The following CDH6 variants were observed in gnomAD, a reference collection of about 807,000 sequenced individuals.
CDH6 encodes cadherin-6.
Under a neutral mutation model 78.0 loss-of-function variants are expected in CDH6, and 31 were observed. That is an observed-to-expected ratio of 0.40 (90% CI 0.30 to 0.54). CDH6 has a LOEUF of 0.54. Ranked by LOEUF, CDH6 falls within the 20% of genes least tolerant of loss-of-function variation. CDH6 has a pLI of 0.56. For missense variants in CDH6, 724 were observed against 975.9 expected, an observed-to-expected ratio of 0.74 and a Z score of 3.44; for synonymous variants, 376 against 368.8, an observed-to-expected ratio of 1.02 and a Z score of -0.23.
intron 10 of CDH6, 37 bp downstream of exon 10, chr5:31,317,529 A>G: frequency 6.6e-7 from 1 of 1,515,770 alleles, no homozygotes; most frequent in Non-Finnish European, 9.1e-7. Context: ...ATCTATCTCC[A>G]TCTATATCCG....
At chr5:31,307,676 A>G (rs1376980741) in intron 7 of CDH6, among the ~76,000 whole-genome samples, 1 of 152,254 alleles carries the variant, frequency 6.6e-6, no homozygotes, top group Non-Finnish European at 1.5e-5. Flanking sequence ...AAGGAAAAAA[A>G]TCTTAGCAAG....
Position 31,294,407 on chromosome 5 carries a change from C to T in CDH6, c.523+151C>T. 1 of 643,084 alleles carries T rather than the reference C, an allele frequency of 1.6e-6. No homozygotes were observed. The allele number at this position is 643,084 out of a possible 1,614,324, so 39.8% of individuals were successfully genotyped here. A position where few individuals can be genotyped will look rare whatever the true frequency, so the allele number is the denominator to read the frequency against. On this transcript the variant is annotated intron_variant, in intron 3 of 11. Transcript: ENST00000265071. This position sits in a 1 kb window ranked among gnomAD's most constrained non-coding sequence, Gnocchi z 4.1. ...GTCCTTTCTGTAAGTGCATATGTTT[C>T]CTAATATTACTCTAGTCTCATTTTG... is the stretch of plus-strand genomic sequence containing the variant.
chr5:31,304,576 T>G (rs1010464467), intron 6 of CDH6, among the ~76,000 whole-genome samples: 1 of 150,082 alleles, frequency 6.7e-6, no homozygotes, highest in African/African-American at 2.5e-5. Flanking sequence ...TCCCAGCTAC[T>G]CGGGAGGCTG....
At chr5:31,311,994 A>C (rs1284782180) in intron 7 of CDH6, among the ~76,000 whole-genome samples, 1 of 152,242 alleles carries the variant, frequency 6.6e-6, no homozygotes, top group Non-Finnish European at 1.5e-5. Context: ...TTTGGTTTCC[A>C]AATGCTTCTC....
At position 31,326,564 on chromosome 5, in the gene CDH6, A is replaced by G. The variant is rs1738627900; in HGVS notation, c.*3256A>G. The stretch of plus-strand genomic sequence containing the variant: ...GTCCATAAAGGGATGTTCAGCAATG[A>G]AATTACTCCCTTTTCAGATGGAACA... On this transcript the variant is annotated 3_prime_UTR_variant, in exon 12 of 12. Transcript: ENST00000265071. 5.2e-6 allele frequency: 1 copy of G among 191,582 alleles called. No individual in the cohort carries two copies. The highest frequency in any genetic ancestry group is 1.1e-5 in the Non-Finnish European group (1 of 91,604). The allele number at this position is 191,582 out of a possible 1,614,324, so 11.9% of individuals were successfully genotyped here.
chr5:31,289,829 G>A (rs755422531), intron 2 of CDH6, among the ~76,000 whole-genome samples: 9 of 152,124 alleles, frequency 5.9e-5, no homozygotes, highest in Non-Finnish European at 1.2e-4. Context: ...AGCACATTTA[G>A]CATGTAAAAA....
intron 1 of CDH6, among the ~76,000 whole-genome samples, chr5:31,203,974 T>C (rs1370285635): frequency 6.6e-6 from 1 of 152,128 alleles, no homozygotes; most frequent in Non-Finnish European, 1.5e-5. Flanking sequence ...TGAAGTGGAG[T>C]CACTTACGAG....
intron 1 of CDH6, among the ~76,000 whole-genome samples, chr5:31,257,410 G>A (rs577862552): frequency 7.2e-5 from 11 of 152,278 alleles, no homozygotes; most frequent in African/African-American, 2.2e-4. Context: ...TGATCCACCC[G>A]TCTCAGCCTC....
intron 2 of CDH6, among the ~76,000 whole-genome samples, chr5:31,283,871 G>C (rs1304405875): frequency 6.6e-6 from 1 of 151,746 alleles, no homozygotes; most frequent in African/African-American, 2.4e-5. Context: ...CTTGAGTACA[G>C]TGGCACGATC....
At chr5:31,229,653 C>T (rs1741261021) in intron 1 of CDH6, among the ~76,000 whole-genome samples, 1 of 152,112 alleles carries the variant, frequency 6.6e-6, no homozygotes, top group South Asian at 2.1e-4. Context: ...ACTCCGGAGT[C>T]CCACCTAAGG....
At chr5:31,306,313 C>T (rs1014203337) in intron 7 of CDH6, among the ~76,000 whole-genome samples, 1 of 152,166 alleles carries the variant, frequency 6.6e-6, no homozygotes, top group African/African-American at 2.4e-5. Context: ...TAAACTAATT[C>T]TGTTTTCCCT....
At chr5:31,300,379 A>G (rs1054124587) in intron 5 of CDH6, among the ~76,000 whole-genome samples, 2 of 152,168 alleles carry the variant, frequency 1.3e-5, no homozygotes, top group Admixed American at 6.5e-5. Context: ...TCATTCTATC[A>G]TGACATTTTA....
chr5:31,239,227 G>A (rs939892557), intron 1 of CDH6, among the ~76,000 whole-genome samples: 1 of 152,178 alleles, frequency 6.6e-6, no homozygotes, highest in African/African-American at 2.4e-5. Context: ...ATTGTGTCCA[G>A]CCTTCTTATT....
At chr5:31,240,900 G>T (rs1247038172) in intron 1 of CDH6, among the ~76,000 whole-genome samples, 1 of 152,078 alleles carries the variant, frequency 6.6e-6, no homozygotes, top group East Asian at 1.9e-4. Context: ...ATAACAACTT[G>T]GACAAATTCC....
intron 1 of CDH6, among the ~76,000 whole-genome samples, chr5:31,243,489 T>C (rs1233208266): frequency 6.6e-6 from 1 of 152,180 alleles, no homozygotes; most frequent in Non-Finnish European, 1.5e-5. Context: ...CAATTTCTAC[T>C]TGCAGCCCCC....
At chr5:31,261,085 A>G (rs986162159) in intron 1 of CDH6, among the ~76,000 whole-genome samples, 7 of 151,940 alleles carry the variant, frequency 4.6e-5, no homozygotes, top group African/African-American at 1.7e-4. Flanking sequence ...AATAAATACC[A>G]TATTTTTTTT....
rs905514010 is a variant in CDH6, at chr5:31,262,178, G to C, written c.-128-5168G>C. ...ATAAGGCCCAGGCTCCTCCAAAATG[G>C]CACGTATTAAATAAAATCTGGACTT... is the stretch of plus-strand genomic sequence containing the variant. On this transcript the variant is annotated intron_variant, in intron 1 of 11. Transcript: ENST00000265071. 4.6e-5 allele frequency among the ~76,000 whole-genome samples: 7 copies of C among 152,186 alleles called. No homozygotes were observed. In the East Asian group the frequency reaches 1.3e-3, roughly 29 times the overall value.
intron 1 of CDH6, among the ~76,000 whole-genome samples, chr5:31,228,763 G>A (rs1741233865): frequency 6.6e-6 from 1 of 152,196 alleles, no homozygotes; most frequent in Admixed American, 6.5e-5. Context: ...TAATACAGGA[G>A]GCGGAGCTCA....
intron 1 of CDH6, among the ~76,000 whole-genome samples, chr5:31,245,899 C>CTTTTTTT (rs71612205): frequency 3.6e-4 from 32 of 87,708 alleles, no homozygotes; most frequent in Admixed American, 6.2e-4. Flanking sequence ...CTCTCTCTCT[C>CTTTTTTT]TTTTTTTTTT....
Sources: allele counts gnomAD v4.1 joint callset (sites outside exome capture counted in the v4.1 genomes callset), GRCh38; gene constraint gnomAD v4.1.1; non-coding constraint Gnocchi (gnomAD v3.1); transcripts MANE v1.5; gene names NCBI Gene and HGNC (gene_info 2026-07-23, HGNC 2026-07-21).